FBXO24: variants seen among roughly 807,000 people sequenced by gnomAD.
The protein encoded by FBXO24 is F-box only protein 24.
In FBXO24, 30 loss-of-function variants were observed where a neutral mutation model predicts 63.5. The observed-to-expected ratio is 0.47, with a 90% confidence interval of 0.35 to 0.64. The LOEUF (loss-of-function observed/expected upper bound fraction) is 0.64. Ranked by LOEUF, FBXO24 falls within the 30% of genes least tolerant of loss-of-function variation. The pLI, the probability that FBXO24 is intolerant of heterozygous loss-of-function variation, is 0.00. For synonymous variants in FBXO24, 300 were observed against 305.0 expected (o/e 0.98, Z 0.17); for missense variants, 624 against 763.4 (o/e 0.82, Z 2.15).
Position 100,600,391 on chromosome 7 carries a change from C to G in FBXO24, c.1378-143C>G. On this transcript the variant is annotated intron_variant, in intron 9 of 9. Transcript: ENST00000241071. This position sits in a 1 kb window ranked among gnomAD's most constrained non-coding sequence, Gnocchi z 6.3. ...CTTAGCAGACTGTGCTGGCCTTGCC[C>G]AACCTCACACACCCCTGGGACTTAG... 6.8e-7 allele frequency: 1 copy of G among 1,465,504 alleles called. No homozygotes were observed. The highest frequency in any genetic ancestry group is 9.2e-7 in the Non-Finnish European group (1 of 1,091,824). 90.8% of individuals were successfully genotyped at this position (1,465,504 alleles called of 1,614,324 possible).
chr7:100,586,420 G>A lies in FBXO24; in HGVS notation c.-206G>A. The A allele has an allele frequency of 1.5e-6, 1 of 649,678 alleles. No homozygotes were observed. Among genetic ancestry groups the A allele is most frequent in the South Asian group, 1.8e-5 (1 of 54,424 alleles). 40.2% of individuals were successfully genotyped at this position (649,678 alleles called of 1,614,324 possible). A position where few individuals can be genotyped will look rare whatever the true frequency, so the allele number is the denominator to read the frequency against. ...TCAGATCGGGAGGTGGAGCCAATCA[G>A]GTCCAACCAAGAGGAGGGGACACCG... On this transcript the variant is annotated 5_prime_UTR_variant, in exon 1 of 10. Coordinates refer to ENST00000241071, the MANE Select transcript of FBXO24 (RefSeq NM_033506.3).
intron 8 of FBXO24, 28 bp downstream of exon 8, chr7:100,595,734 C>G (rs771107092): frequency 1.3e-6 from 2 of 1,553,630 alleles, no homozygotes; most frequent in South Asian, 2.4e-5. Flanking sequence ...CAACTCTCAT[C>G]CCAACCCCTT....
intron 7 of FBXO24, 55 bp from the exon 8 acceptor site, chr7:100,595,520 C>T: frequency 1.3e-6 from 2 of 1,522,282 alleles, no homozygotes; most frequent in South Asian, 2.6e-5. Context: ...CTCTGGAACT[C>T]AGAGTTCCTC....
intron 7 of FBXO24, among the ~76,000 whole-genome samples, 161 bp from the exon 8 acceptor site, chr7:100,595,414 G>A (rs1802258004): frequency 6.6e-6 from 1 of 152,090 alleles, no homozygotes; most frequent in Non-Finnish European, 1.5e-5. Flanking sequence ...GAGCCCAGGA[G>A]CTCTAGACCA....
chr7:100,586,534 C>G lies in FBXO24; in HGVS notation c.-92C>G. 1 of 1,343,440 alleles carries G rather than the reference C, an allele frequency of 7.4e-7. No individual in the cohort carries two copies. Among genetic ancestry groups the G allele is most frequent in the Admixed American group, 1.7e-5 (1 of 57,492 alleles). The allele number at this position is 1,343,440 out of a possible 1,614,324, so 83.2% of individuals were successfully genotyped here. A position where few individuals can be genotyped will look rare whatever the true frequency, so the allele number is the denominator to read the frequency against. ...CCAAAGACCAATCGTAAGCCAGATA[C>G]AGGCGAGTGACTGTCAAGAAGGCCA... On this transcript the variant is annotated 5_prime_UTR_variant, in exon 1 of 10. Coordinates refer to ENST00000241071, the MANE Select transcript of FBXO24 (RefSeq NM_033506.3).
At chr7:100,592,748 C>T (rs556531294) in intron 4 of FBXO24, 35 bp from the exon 5 acceptor site, 1 of 1,570,174 alleles carries the variant, frequency 6.4e-7, no homozygotes, top group South Asian at 1.1e-5. Context: ...CATTTTGAAA[C>T]TCTAGATCCC....
intron 8 of FBXO24, among the ~76,000 whole-genome samples, chr7:100,599,486 AT>A (rs1438264965): frequency 6.6e-6 from 1 of 152,008 alleles, no homozygotes; most frequent in African/African-American, 2.4e-5. Context: ...AGGTGGGAGA[AT>A]CACTTGAACC....
At chr7:100,586,865 C>T (rs1037885034) in intron 1 of FBXO24, 1 of 605,828 alleles carries the variant, frequency 1.7e-6, no homozygotes, top group Non-Finnish European at 3.1e-6. Flanking sequence ...GCGGGGGGAC[C>T]TCCGACTGTG....
Position 100,591,703 on chromosome 7 carries a change from G to A in FBXO24, c.359G>A (p.Arg120His), listed in dbSNP as rs769582338. ...KGLYFQAFGG[R>H]RRCLSKSVAP... ...CTGTATTTCCAGGCATTTGGAGGCC[G>A]CCGCCGATGTCTCAGCAAGAGCGTG... is the stretch of plus-strand genomic sequence containing the variant. The change falls in exon 4 of 10, where the codon CGC becomes CAC. Residue 120 changes from arginine (R) to histidine (H), a missense_variant. Arg to His is a conservative substitution (Grantham distance 29). Around this residue, in one of 3 missense-constraint regions of FBXO24, gnomAD observed 391 missense variants for 469.1 expected, o/e 0.83. Transcript: ENST00000241071. 19 of 1,614,142 alleles carry A rather than the reference G, an allele frequency of 1.2e-5. No homozygotes were observed. The highest frequency in any genetic ancestry group is 2.2e-5 in the South Asian group (2 of 91,088).
At position 100,600,628 on chromosome 7, in the gene FBXO24, T is replaced by C; in HGVS notation, c.1472T>C (p.Leu491Pro). The C allele has an allele frequency of 1.2e-6, 2 of 1,613,710 alleles. No homozygotes were observed. The highest frequency in any genetic ancestry group is 8.5e-7 in the Non-Finnish European group (1 of 1,179,780). Residue 491 changes from leucine to proline, a missense_variant, in exon 10 of 10, where the codon CTG (leucine) becomes CCG (proline). Leu to Pro is a moderately conservative substitution (Grantham distance 98, BLOSUM62 -3). Around this residue, in one of 3 missense-constraint regions of FBXO24, gnomAD observed 216 missense variants for 245.2 expected, o/e 0.88. Transcript: ENST00000241071. This position sits in a 1 kb window ranked among gnomAD's most constrained non-coding sequence, Gnocchi z 6.3. ...GAGCAGCACGCCCCCTATCGCCACCTGCCAGCCAGCAGGGTGGTGGGGACT... is the reference window on the plus strand; with the variant it reads ...GAGCAGCACGCCCCCTATCGCCACCCGCCAGCCAGCAGGGTGGTGGGGACT... ...DIEQHAPYRH[L>P]PASRVVGTPE...
intron 8 of FBXO24, among the ~76,000 whole-genome samples, chr7:100,597,893 G>GTTTTTTTT (rs556578958): frequency 7.4e-6 from 1 of 134,830 alleles, no homozygotes; most frequent in Non-Finnish European, 1.6e-5. Context: ...TGTTTTTTTT[G>GTTTTTTTT]TTTTTTTTTT....
chr7:100,600,317 A>C lies in FBXO24; in HGVS notation c.1377+116A>C. 2 of 1,361,106 alleles carry C rather than the reference A, an allele frequency of 1.5e-6. No individual in the cohort carries two copies. The highest frequency in any genetic ancestry group is 2.0e-6 in the Non-Finnish European group (2 of 1,018,602). 84.3% of individuals were successfully genotyped at this position (1,361,106 alleles called of 1,614,324 possible). On this transcript the variant is annotated intron_variant, in intron 9 of 9. Coordinates refer to ENST00000241071, the MANE Select transcript of FBXO24 (RefSeq NM_033506.3). The surrounding 1 kb of genome is among the most constrained non-coding windows in gnomAD (Gnocchi z 6.3). ...ACCCAGGGGGTCCCATTTCCCTAGC[A>C]CCACCCCACCTCCCTCCTCTGCCGC...
chr7:100,589,383 T>G (rs1801888760), intron 1 of FBXO24: 2 of 1,166,126 alleles, frequency 1.7e-6, no homozygotes, highest in Non-Finnish European at 2.1e-6. Flanking sequence ...TCCTGCTCCC[T>G]GAAATAAAGA....
At chr7:100,595,338 G>GA in intron 7 of FBXO24, 115 bp downstream of exon 7, 1 of 1,549,354 alleles carries the variant, frequency 6.5e-7, no homozygotes, top group Non-Finnish European at 8.7e-7. Flanking sequence ...TCCCCAGGGA[G>GA]AGGTATGCCA....
At chr7:100,592,049 C>T in intron 4 of FBXO24, 147 bp downstream of exon 4, 1 of 745,592 alleles carries the variant, frequency 1.3e-6, no homozygotes. Flanking sequence ...TCAGCTGAGA[C>T]CAGGAGTTCG....
chr7:100,592,725 C>T lies in FBXO24; in HGVS notation c.559-58C>T, dbSNP rs181796475. The T allele has an allele frequency of 3.2e-3, 4,453 of 1,403,260 alleles. 14 individuals are homozygous for T. Among genetic ancestry groups the T allele is most frequent in the Non-Finnish European group, 3.8e-3 (3,852 of 1,004,050 alleles). The allele number at this position is 1,403,260 out of a possible 1,614,324, so 86.9% of individuals were successfully genotyped here. The stretch of plus-strand genomic sequence containing the variant: ...ACTTCCCACCCCAGGATCCAGCTGC[C>T]CCAGCCCCATCCCATTTTGAAACTC... On this transcript the variant is annotated intron_variant, in intron 4 of 9. Coordinates refer to ENST00000241071, the MANE Select transcript of FBXO24 (RefSeq NM_033506.3).
At chr7:100,586,819 GC>G in intron 1 of FBXO24, 155 bp downstream of exon 1, 1 of 709,058 alleles carries the variant, frequency 1.4e-6, no homozygotes, top group Non-Finnish European at 2.5e-6. Context: ...ACTGCTTGAG[GC>G]CAGTGCACTG....
At chr7:100,592,658 G>A in intron 4 of FBXO24, 125 bp from the exon 5 acceptor site, 6 of 728,670 alleles carry the variant, frequency 8.2e-6, no homozygotes, top group Non-Finnish European at 1.4e-5. Flanking sequence ...ATAGGAACCT[G>A]AAATCAAGGG....
rs1802530919 is a variant in FBXO24 at position 100,600,329 on chromosome 7, C to G, written c.1377+128C>G. ...CCATTTCCCTAGCACCACCCCACCT[C>G]CCTCCTCTGCCGCACACCACGCTCT... On this transcript the variant is annotated intron_variant, in intron 9 of 9. Transcript: ENST00000241071. The surrounding 1 kb of genome is among the most constrained non-coding windows in gnomAD (Gnocchi z 6.3). 1.5e-6 allele frequency: 2 copies of G among 1,355,316 alleles called. No individual in the cohort carries two copies. The allele number at this position is 1,355,316 out of a possible 1,614,324, so 84.0% of individuals were successfully genotyped here.
Sources: gnomAD v4.1 joint callset for allele counts (sites outside exome capture counted in the v4.1 genomes callset) on GRCh38, gnomAD v4.1.1 for gene constraint, gnomAD v4.1.1 regional missense constraint, Gnocchi (gnomAD v3.1) non-coding constraint, MANE v1.5 for transcripts, NCBI Gene and HGNC (gene_info 2026-07-23, HGNC 2026-07-21) for gene names.